Variants in RGS7 observed in about 807,000 individuals in gnomAD.
The protein encoded by RGS7 is regulator of G-protein signaling 7.
RGS7 carries 27 observed loss-of-function variants against 81.1 expected under a neutral mutation model. The observed-to-expected ratio is 0.33, with a 90% CI of 0.25 to 0.46. The LOEUF (loss-of-function observed/expected upper bound fraction) is 0.46. Ranked by LOEUF, RGS7 falls within the 20% of genes least tolerant of loss-of-function variation. The pLI, the probability that RGS7 is intolerant of heterozygous loss-of-function variation, is 1.00. For missense variants in RGS7, 396 were observed against 607.4 expected, an observed-to-expected ratio of 0.65 and a Z score of 3.66; for synonymous variants, 208 against 207.7, an observed-to-expected ratio of 1.00 and a Z score of -0.01.
At chr1:240,795,847 TG>T (rs1313198133) in intron 18 of RGS7, among the ~76,000 whole-genome samples, 1 of 152,224 alleles carries the variant, frequency 6.6e-6, no homozygotes, top group African/African-American at 2.4e-5. Flanking sequence ...TATATTTATT[TG>T]TGCAAAATGC....
At chr1:241,208,594 A>T (rs899588333) in intron 2 of RGS7, among the ~76,000 whole-genome samples, 50 of 152,138 alleles carry the variant, frequency 3.3e-4, no homozygotes, top group African/African-American at 1.1e-3. Context: ...CTCCGTCATG[A>T]CAAAGAGGAA....
Position 241,324,162 on chromosome 1 carries a change from C to A in RGS7, c.78+31537G>T, listed in dbSNP as rs568190728. On this transcript the variant is annotated intron_variant, in intron 2 of 18. Coordinates refer to ENST00000440928, the MANE Select transcript of RGS7 (RefSeq NM_001364886.1). The stretch of plus-strand genomic sequence containing the variant: ...AATGATGATAATTTCCTTTTCCACA[C>A]GGGCATAGTAGCTCAATAGAGAAAT... Among the ~76,000 whole-genome samples, 13 of 152,254 alleles carry A rather than the reference C, an allele frequency of 8.5e-5. No homozygotes were observed. In the South Asian group the frequency reaches 2.7e-3, roughly 32 times the overall value.
At chr1:241,254,132 G>C (rs998419114) in intron 2 of RGS7, among the ~76,000 whole-genome samples, 1 of 151,486 alleles carries the variant, frequency 6.6e-6, no homozygotes, top group Non-Finnish European at 1.5e-5. Flanking sequence ...CCCGGGAGGT[G>C]GGGCTTGCAG....
intron 2 of RGS7, among the ~76,000 whole-genome samples, chr1:241,141,570 C>T (rs752921077): frequency 1.3e-5 from 2 of 152,076 alleles, no homozygotes; most frequent in Non-Finnish European, 2.9e-5. Context: ...GGTGGCAGGA[C>T]GGAGTGAGTG....
intron 2 of RGS7, among the ~76,000 whole-genome samples, chr1:241,170,700 C>G (rs1306582950): frequency 6.6e-6 from 1 of 152,148 alleles, no homozygotes; most frequent in Admixed American, 6.5e-5. Context: ...CTGGAGGGAG[C>G]AGTGCGGAAA....
intron 9 of RGS7, among the ~76,000 whole-genome samples, chr1:240,829,143 AT>A (rs201029934): frequency 4.6e-4 from 70 of 151,600 alleles, no homozygotes; most frequent in East Asian, 3.9e-4. Flanking sequence ...TGAGGAAAAC[AT>A]TTTTTTTTGT....
At chr1:241,171,402 AC>A (rs371824833) in intron 2 of RGS7, among the ~76,000 whole-genome samples, 14 of 152,324 alleles carry the variant, frequency 9.2e-5, no homozygotes, top group African/African-American at 3.1e-4. Flanking sequence ...CAGTCACTTA[AC>A]CTTAGTCATG....
At chr1:241,133,896 C>T (rs965559870) in intron 2 of RGS7, among the ~76,000 whole-genome samples, 2 of 152,028 alleles carry the variant, frequency 1.3e-5, no homozygotes, top group African/African-American at 4.8e-5. Context: ...AAAAAGCATT[C>T]ATGAGTTCAC....
intron 4 of RGS7, among the ~76,000 whole-genome samples, chr1:240,958,882 A>G (rs748110340): frequency 3.3e-5 from 5 of 152,174 alleles, no homozygotes; most frequent in Non-Finnish European, 7.3e-5. Context: ...AATGCCTGAT[A>G]TCTTTTACTG....
intron 6 of RGS7, among the ~76,000 whole-genome samples, chr1:240,889,488 G>C (rs72756819): frequency 0.11 from 17,466 of 152,156 alleles, 1,173 homozygotes; most frequent in Middle Eastern, 0.19. Context: ...GCCCTGGCTA[G>C]GGGCTCAGGT....
At chr1:241,285,637 G>T (rs1685164843) in intron 2 of RGS7, among the ~76,000 whole-genome samples, 1 of 152,200 alleles carries the variant, frequency 6.6e-6, no homozygotes, top group Admixed American at 6.5e-5. Flanking sequence ...CATGCTAACA[G>T]CAGCAAAGCC....
intron 2 of RGS7, among the ~76,000 whole-genome samples, chr1:241,176,499 T>C (rs749982980): frequency 6.6e-6 from 1 of 152,164 alleles, no homozygotes; most frequent in Non-Finnish European, 1.5e-5. Context: ...CTCATTTTAG[T>C]TGCCTAGAAG....
At chr1:241,179,117 C>T (rs1342873102) in intron 2 of RGS7, among the ~76,000 whole-genome samples, 1 of 152,160 alleles carries the variant, frequency 6.6e-6, no homozygotes, top group Non-Finnish European at 1.5e-5. Flanking sequence ...TGTTTTGAGA[C>T]AGAGTCTCAC....
intron 2 of RGS7, among the ~76,000 whole-genome samples, chr1:241,322,623 T>C (rs2081278069): frequency 6.6e-6 from 1 of 152,228 alleles, no homozygotes; most frequent in East Asian, 1.9e-4. Context: ...TTGTCTCTCA[T>C]GTGTAACCTG....
intron 2 of RGS7, among the ~76,000 whole-genome samples, chr1:241,145,413 G>C (rs1326200823): frequency 6.6e-6 from 1 of 152,208 alleles, no homozygotes; most frequent in Non-Finnish European, 1.5e-5. Flanking sequence ...AACACTGGAA[G>C]TATTCAAGCC....
In RGS7 at chr1:240,868,565, C is replaced by A. The variant is rs772976755; in HGVS notation, c.609+22G>T. 1 of 1,610,966 alleles carries A rather than the reference C, an allele frequency of 6.2e-7. No individual in the cohort carries two copies. The highest frequency in any genetic ancestry group is 8.5e-7 in the Non-Finnish European group (1 of 1,177,188). ...ACAGACGGAGAAGATGGATTCAAGA[C>A]GAGAGTGCGACGCTTGCTTACCACG... On this transcript the variant is annotated intron_variant, in intron 9 of 18. Coordinates refer to ENST00000440928, the MANE Select transcript of RGS7 (RefSeq NM_001364886.1). The surrounding 1 kb of genome is among the most constrained non-coding windows in gnomAD (Gnocchi z 5.1).
chr1:241,226,690 T>C (rs558920979), intron 2 of RGS7, among the ~76,000 whole-genome samples: 1 of 152,328 alleles, frequency 6.6e-6, no homozygotes, highest in Non-Finnish European at 1.5e-5. Context: ...TCTGACCTAC[T>C]TCATTCCATG....
At chr1:241,226,703 CA>C (rs1343783951) in intron 2 of RGS7, among the ~76,000 whole-genome samples, 2 of 152,196 alleles carry the variant, frequency 1.3e-5, no homozygotes, top group African/African-American at 4.8e-5. Flanking sequence ...ATTCCATGAG[CA>C]GGTGACACCG....
chr1:241,005,521 G>A (rs937573061), intron 3 of RGS7, among the ~76,000 whole-genome samples: 9 of 151,868 alleles, frequency 5.9e-5, no homozygotes, highest in Admixed American at 2.6e-4. Flanking sequence ...ACTTGCTAGC[G>A]TCTGGCTTCT....
Sources: allele counts gnomAD v4.1 joint callset (sites outside exome capture counted in the v4.1 genomes callset), GRCh38; gene constraint gnomAD v4.1.1; non-coding constraint Gnocchi (gnomAD v3.1); transcripts MANE v1.5; gene names NCBI Gene and HGNC (gene_info 2026-07-23, HGNC 2026-07-21).